The following INSL6 variants were observed in gnomAD, a reference collection of about 807,000 sequenced individuals.
The protein encoded by INSL6 is insulin-like peptide INSL6.
Under a neutral mutation model 9.4 loss-of-function variants are expected in INSL6, and 16 were observed. That is an observed-to-expected ratio of 1.70 (90% CI 1.15 to 2.59). The LOEUF is 2.59. INSL6 is among the 30% of genes most tolerant of loss of function. The pLI, the probability that INSL6 is intolerant of heterozygous loss-of-function variation, is 0.00. For missense variants in INSL6, 391 were observed against 257.3 expected, an observed-to-expected ratio of 1.52 and a Z score of -3.56; for synonymous variants, 154 against 96.9, an observed-to-expected ratio of 1.59 and a Z score of -3.46.
At chr9:5,120,936 T>C (rs1338167148), downstream of INSL6, among the ~76,000 whole-genome samples, 1 of 152,184 alleles carries the variant, frequency 6.6e-6, no homozygotes, top group Admixed American at 6.5e-5. Flanking sequence ...ATCTTTAATG[T>C]GGAAATGTTC....
At chr9:5,112,356 G>T in the INSL6 span, 4 of 358,610 alleles carry the variant, frequency 1.1e-5, no homozygotes, top group East Asian at 2.5e-4. Context: ...GACTCCTGCA[G>T]TGGGCTAGGG....
downstream of INSL6, among the ~76,000 whole-genome samples, chr9:5,122,359 C>T (rs1823682735): frequency 6.6e-6 from 1 of 152,004 alleles, no homozygotes; most frequent in Non-Finnish European, 1.5e-5. Flanking sequence ...CTTAGTCACC[C>T]CTCTTCTGGT....
At chr9:5,013,321 G>A in the INSL6 span, among the ~76,000 whole-genome samples, 1 of 151,992 alleles carries the variant, frequency 6.6e-6, no homozygotes, top group Non-Finnish European at 1.5e-5. Context: ...AATAATTGTA[G>A]GAAAAACATA....
the INSL6 span, among the ~76,000 whole-genome samples, chr9:5,039,641 TGCAGA>T: frequency 6.6e-6 from 1 of 152,082 alleles, no homozygotes; most frequent in Non-Finnish European, 1.5e-5. Context: ...TCAGGTCAGT[TGCAGA>T]ATAGAAGATC....
the INSL6 span, among the ~76,000 whole-genome samples, chr9:5,040,582 T>A: frequency 6.6e-6 from 1 of 152,244 alleles, no homozygotes; most frequent in African/African-American, 2.4e-5. Context: ...AATTGTCTTA[T>A]CTCCAGAATA....
At chr9:5,021,273 T>C in the INSL6 span, among the ~76,000 whole-genome samples, 1 of 149,688 alleles carries the variant, frequency 6.7e-6, no homozygotes, top group African/African-American at 2.4e-5. Context: ...ATCTACTCGC[T>C]ATTTTGGTTC....
the INSL6 span, among the ~76,000 whole-genome samples, chr9:5,095,177 G>A: frequency 6.6e-6 from 1 of 151,984 alleles, no homozygotes; most frequent in Non-Finnish European, 1.5e-5. Context: ...AGCTAAATAA[G>A]CTATTGGGCC....
At chr9:5,069,357 A>T in the INSL6 span, 1 of 531,730 alleles carries the variant, frequency 1.9e-6, no homozygotes, top group Non-Finnish European at 3.2e-6. Context: ...AAGCATCATC[A>T]AATAAGATTG....
intron 1 of INSL6, among the ~76,000 whole-genome samples, chr9:5,172,725 C>T (rs952635083): frequency 6.6e-6 from 1 of 152,084 alleles, no homozygotes. Flanking sequence ...GTCAGGAATT[C>T]GAGACCAGTC....
chr9:5,090,183 G>A, the INSL6 span, among the ~76,000 whole-genome samples: 1 of 152,172 alleles, frequency 6.6e-6, no homozygotes, highest in Non-Finnish European at 1.5e-5. Context: ...GAGGAGAAAG[G>A]AAGTTTTCTC....
At chr9:5,115,244 G>A in the INSL6 span, among the ~76,000 whole-genome samples, 1 of 152,158 alleles carries the variant, frequency 6.6e-6, no homozygotes, top group East Asian at 1.9e-4. Context: ...TCAAAAAGTG[G>A]GTAAAGGATA....
chr9:5,019,872 T>G, the INSL6 span, among the ~76,000 whole-genome samples: 2 of 152,178 alleles, frequency 1.3e-5, no homozygotes, highest in African/African-American at 4.8e-5. Context: ...GTGGTGAACT[T>G]TTGCTGGGGA....
the INSL6 span, chr9:5,072,603 A>G: frequency 2.5e-6 from 4 of 1,607,470 alleles, no homozygotes; most frequent in Non-Finnish European, 3.4e-6. Flanking sequence ...AGTTCTGGAT[A>G]AAGCACACAG....
At chr9:5,119,429 T>TA (rs539525091), downstream of INSL6, among the ~76,000 whole-genome samples, 16 of 145,528 alleles carry the variant, frequency 1.1e-4, no homozygotes, top group South Asian at 4.3e-4. Flanking sequence ...AATGAAAGCC[T>TA]AAAAAAAAAA....
chr9:5,051,671 A>G, the INSL6 span, among the ~76,000 whole-genome samples: 1 of 152,180 alleles, frequency 6.6e-6, no homozygotes, highest in East Asian at 1.9e-4. Flanking sequence ...TTGAAGGCAA[A>G]TATGTATTTT....
intron 3 of INSL6, chr9:5,127,867 T>G (rs1824099556): frequency 4.3e-6 from 1 of 232,434 alleles, no homozygotes; most frequent in Admixed American, 5.6e-5. Context: ...ATTTATTTCC[T>G]TTTTAGAGGG....
chr9:5,080,090 C>G, the INSL6 span: 9 of 595,126 alleles, frequency 1.5e-5, no homozygotes, highest in East Asian at 1.6e-4. Flanking sequence ...CAGTCATGTG[C>G]ATGTGCACAT....
At chr9:5,068,999 T>C in the INSL6 span, 2 of 1,399,774 alleles carry the variant, frequency 1.4e-6, no homozygotes, top group South Asian at 2.6e-5. Context: ...TCCCTCCCTT[T>C]CTTTATAATT....
chr9:5,053,904 C>T, the INSL6 span, among the ~76,000 whole-genome samples: 58 of 151,788 alleles, frequency 3.8e-4, no homozygotes, highest in Non-Finnish European at 6.6e-4. Flanking sequence ...GCATATATTA[C>T]GGCATGGAAA....
Sources: allele counts gnomAD v4.1 joint callset (sites outside exome capture counted in the v4.1 genomes callset), GRCh38; gene constraint gnomAD v4.1.1; transcripts MANE v1.5; gene names NCBI Gene and HGNC (gene_info 2026-07-23, HGNC 2026-07-21).